COL22A1: variants seen among roughly 807,000 people sequenced by gnomAD.
The protein encoded by COL22A1 is collagen alpha-1(XXII) chain.
COL22A1 carries 221 observed loss-of-function variants against 248.9 expected under a neutral mutation model. The observed-to-expected ratio is 0.89, with a 90% CI of 0.80 to 0.99. COL22A1 has a LOEUF of 0.99. Ranked by LOEUF, COL22A1 falls within the 50% of genes least tolerant of loss-of-function variation. The pLI, the probability that COL22A1 is intolerant of heterozygous loss-of-function variation, is 0.00. For missense variants in COL22A1, 2,240 were observed against 2,179.0 expected (o/e 1.03, Z -0.56); for synonymous variants, 891 against 793.4 (o/e 1.12, Z -2.07).
intron 45 of COL22A1, among the ~76,000 whole-genome samples, chr8:138,652,045 A>T (rs2130575634): frequency 6.6e-6 from 1 of 152,290 alleles, no homozygotes; most frequent in Non-Finnish European, 1.5e-5. Context: ...CCAGTTCTGG[A>T]ATCCAGTGAG....
chr8:138,755,084 G>T, intron 21 of COL22A1, 73 bp downstream of exon 21: 1 of 1,456,028 alleles, frequency 6.9e-7, no homozygotes, highest in South Asian at 1.1e-5. Flanking sequence ...CGCCGGGAAT[G>T]ACTCTGATCT....
intron 11 of COL22A1, among the ~76,000 whole-genome samples, chr8:138,801,565 G>A (rs1410986785): frequency 6.6e-6 from 1 of 152,092 alleles, no homozygotes; most frequent in African/African-American, 2.4e-5. Context: ...CCCACTATGG[G>A]CCAGGCATTT....
chr8:138,628,214 CT>C (rs1434576790), intron 50 of COL22A1, among the ~76,000 whole-genome samples: 1 of 150,600 alleles, frequency 6.6e-6, no homozygotes, highest in Non-Finnish European at 1.5e-5. Context: ...AACAGTTTGT[CT>C]TTTAATTCAA....
At chr8:138,643,170 AAG>A (rs143327303) in intron 47 of COL22A1, among the ~76,000 whole-genome samples, 2,751 of 152,344 alleles carry the variant, frequency 0.018, 74 homozygotes, top group African/African-American at 0.062. Flanking sequence ...TGATCCCAGA[AAG>A]AGAAGGTCAT....
At chr8:138,637,396 C>T (rs190394503) in intron 47 of COL22A1, among the ~76,000 whole-genome samples, 103 of 152,210 alleles carry the variant, frequency 6.8e-4, no homozygotes, top group African/African-American at 2.3e-3. Flanking sequence ...TTGCTCCCTC[C>T]CTTACTAGCT....
intron 22 of COL22A1, among the ~76,000 whole-genome samples, chr8:138,746,224 G>C (rs1264560958): frequency 6.6e-6 from 1 of 152,184 alleles, no homozygotes; most frequent in Non-Finnish European, 1.5e-5. Context: ...TTTAGTGTCT[G>C]TCTCTCCATG....
Position 138,862,043 on chromosome 8 carries a change from A to G in COL22A1, c.658+15707T>C, listed in dbSNP as rs866466571. Among the ~76,000 whole-genome samples, 85 of 148,978 alleles carry G rather than the reference A, an allele frequency of 5.7e-4. No individual in the cohort carries two copies. In the Middle Eastern group the frequency reaches 0.014, roughly 24 times the overall value. On this transcript the variant is annotated intron_variant, in intron 3 of 64. Transcript: ENST00000303045. ...GTCTCTACTAAAAAAAAAAAAAAAA[A>G]AAAAGAAAAAAAGAAAAAAAGAAAA...
intron 3 of COL22A1, among the ~76,000 whole-genome samples, chr8:138,853,563 A>C (rs1463403294): frequency 6.6e-6 from 1 of 152,156 alleles, no homozygotes; most frequent in East Asian, 1.9e-4. Flanking sequence ...TCTACTTCAA[A>C]GTTGGGGTGC....
At chr8:138,712,263 T>C (rs1235730348) in intron 30 of COL22A1, among the ~76,000 whole-genome samples, 1 of 152,216 alleles carries the variant, frequency 6.6e-6, no homozygotes, top group African/African-American at 2.4e-5. Context: ...GGTCCAAGAA[T>C]GGTGCTCTTT....
chr8:138,862,993 G>A (rs775568264), intron 3 of COL22A1, among the ~76,000 whole-genome samples: 1 of 152,194 alleles, frequency 6.6e-6, no homozygotes, highest in African/African-American at 2.4e-5. Flanking sequence ...TAAGTAAAGA[G>A]GGGACAGAGG....
At chr8:138,840,038 G>A (rs543948050) in intron 4 of COL22A1, among the ~76,000 whole-genome samples, 13 of 152,210 alleles carry the variant, frequency 8.5e-5, no homozygotes, top group South Asian at 4.2e-4. Flanking sequence ...TCTCATCCTC[G>A]TGCTCCCAGA....
At chr8:138,796,069 TTTTG>T (rs1395960758) in intron 12 of COL22A1, among the ~76,000 whole-genome samples, 1 of 152,144 alleles carries the variant, frequency 6.6e-6, no homozygotes, top group Non-Finnish European at 1.5e-5. Flanking sequence ...AACGATAATT[TTTTG>T]TTTCTTTTTT....
At chr8:138,733,207 A>G (rs1460012391) in intron 23 of COL22A1, among the ~76,000 whole-genome samples, 1 of 152,198 alleles carries the variant, frequency 6.6e-6, no homozygotes, top group African/African-American at 2.4e-5. Flanking sequence ...GCCTGCACAT[A>G]AACACTTGGC....
chr8:138,591,464 T>G lies in COL22A1; in HGVS notation c.4653A>C (p.Gly1551=). 1 of 1,579,816 alleles carries G rather than the reference T, an allele frequency of 6.3e-7. No homozygotes were observed. Among genetic ancestry groups the G allele is most frequent in the Non-Finnish European group, 8.6e-7 (1 of 1,162,744 alleles). Reference sequence around the variant, plus strand: ...GTCCCATCTCGCCTCGGAGGCCAACTCCAGGTGCACCTGGGTCACCTTTGG... The same window carrying G: ...GTCCCATCTCGCCTCGGAGGCCAACGCCAGGTGCACCTGGGTCACCTTTGG... ...RGAKGDPGAP[G]VGLRGEMGPP... The change falls in exon 64 of 65, where the codon GGA becomes GGC. Residue 1551 remains glycine (G), a synonymous_variant. Coordinates refer to ENST00000303045, the MANE Select transcript of COL22A1 (RefSeq NM_152888.3).
rs757589780 is a variant in COL22A1 at position 138,877,843 on chromosome 8, C to T, written c.565G>A (p.Ala189Thr). Residue 189 changes from alanine (A) to threonine (T), a missense_variant, in exon 3 of 65, where the codon GCC (alanine) becomes ACC (threonine). Coordinates refer to ENST00000303045, the MANE Select transcript of COL22A1 (RefSeq NM_152888.3). Reference protein sequence around the residue: ...EALKEELEEIASEPKSAHVFH... With the variant: ...EALKEELEEITSEPKSAHVFH... ...ACGTGGGCGGACTTGGGCTCTGAGG[C>T]GATCTCCTCCAGCTCCTCCTTGAGT... 9 of 1,613,420 alleles carry T rather than the reference C, an allele frequency of 5.6e-6. No homozygotes were observed. In the South Asian group the frequency reaches 8.8e-5, roughly 16 times the overall value.
At chr8:138,829,991 C>A (rs1157609221) in intron 5 of COL22A1, among the ~76,000 whole-genome samples, 1 of 152,022 alleles carries the variant, frequency 6.6e-6, no homozygotes, top group African/African-American at 2.4e-5. Flanking sequence ...TATATGTACC[C>A]ATATGTACCT....
In COL22A1 at chr8:138,883,234, A is replaced by G. The variant is rs918318114; in HGVS notation, c.-62T>C. On this transcript the variant is annotated 5_prime_UTR_variant, in exon 2 of 65. Transcript: ENST00000303045. ...AGGAAGAGACGCTGTTAGGGTCTAC[A>G]GCAGCATGGCCTGTGTGGAGAAAGA... 112 of 1,464,000 alleles carry G rather than the reference A, an allele frequency of 7.7e-5. No homozygotes were observed. Among genetic ancestry groups the G allele is most frequent in the Non-Finnish European group, 1.0e-4 (109 of 1,071,808 alleles). The allele number at this position is 1,464,000 out of a possible 1,614,324, so 90.7% of individuals were successfully genotyped here. A position where few individuals can be genotyped will look rare whatever the true frequency, so the allele number is the denominator to read the frequency against.
At chr8:138,877,626 C>G (rs1823822166) in intron 3 of COL22A1, 124 bp downstream of exon 3, 2 of 1,018,668 alleles carry the variant, frequency 2.0e-6, no homozygotes, top group African/African-American at 3.3e-5. Context: ...GCCTCTGCAC[C>G]TGCTACTTCC....
chr8:138,681,739 C>G (rs575465753), intron 39 of COL22A1, among the ~76,000 whole-genome samples: 2 of 152,328 alleles, frequency 1.3e-5, no homozygotes, highest in South Asian at 4.1e-4. Context: ...TAATCTGCCC[C>G]TCTCCATATA....
Sources: allele counts gnomAD v4.1 joint callset (sites outside exome capture counted in the v4.1 genomes callset), GRCh38; gene constraint gnomAD v4.1.1; transcripts MANE v1.5; gene names NCBI Gene and HGNC (gene_info 2026-07-23, HGNC 2026-07-21).